SLC8A2: variants seen among roughly 807,000 people sequenced by gnomAD.
SLC8A2 encodes the protein sodium/calcium exchanger 2.
In SLC8A2, 14 loss-of-function variants were observed where a neutral mutation model predicts 70.2. The observed-to-expected ratio is 0.20, with a 90% CI of 0.13 to 0.31. SLC8A2 has a LOEUF of 0.31. Ranked by LOEUF, SLC8A2 falls within the 10% of genes least tolerant of loss-of-function variation. The pLI, the probability that SLC8A2 is intolerant of heterozygous loss-of-function variation, is 1.00. For synonymous variants in SLC8A2, 575 were observed against 594.3 expected, an observed-to-expected ratio of 0.97 and a Z score of 0.47; for missense variants, 779 against 1,320.1, an observed-to-expected ratio of 0.59 and a Z score of 6.35.
At chr19:47,433,213 G>A (rs940472326) in intron 8 of SLC8A2, among the ~76,000 whole-genome samples, 1 of 152,062 alleles carries the variant, frequency 6.6e-6, no homozygotes, top group Admixed American at 6.6e-5. Context: ...CCAGTCCACA[G>A]CTAGAAGTAT....
rs919972488 is a variant in SLC8A2, at chr19:47,437,932, G to A, written c.1927C>T (p.Arg643Trp). ...GGCTTGCCCATCTCTGCTATCCTCC[G>A]AGCCTCCTCCTCCTCGGCTGTTAGC... The part of the protein sequence containing the change: ...RKLTAEEEEA[R>W]RIAEMGKPVL... The change falls in exon 7 of 10, where the codon CGG becomes TGG. Residue 643 changes from arginine (R) to tryptophan (W), a missense_variant. Arg to Trp is a moderately radical substitution (Grantham distance 101). Around this residue, in one of 6 missense-constraint regions of SLC8A2, gnomAD observed 247 missense variants for 362.8 expected, o/e 0.68. Transcript: ENST00000236877. The A allele has an allele frequency of 8.1e-6, 13 of 1,613,854 alleles. No individual in the cohort carries two copies. Among genetic ancestry groups the A allele is most frequent in the South Asian group, 1.1e-5 (1 of 91,070 alleles).
chr19:47,458,093 C>T (rs1967337521), intron 2 of SLC8A2, among the ~76,000 whole-genome samples: 1 of 152,072 alleles, frequency 6.6e-6, no homozygotes, highest in Admixed American at 6.6e-5. Context: ...ACCTTGTGAT[C>T]CTCCCACCTC....
At position 47,432,318 on chromosome 19, in the gene SLC8A2, G is replaced by A. The variant is rs775623673; in HGVS notation, c.2238C>T (p.Cys746=). 3 of 1,613,770 alleles carry A rather than the reference G, an allele frequency of 1.9e-6. No homozygotes were observed. In the East Asian group the frequency reaches 6.7e-5, roughly 36 times the overall value. Reference sequence around the variant, plus strand: ...AGACACCAAAGCAGGCCCAGCCGTGGCAGTACTCGGTGGGGGGCACACAGG... The same window carrying A: ...AGACACCAAAGCAGGCCCAGCCGTGACAGTACTCGGTGGGGGGCACACAGG... The part of the protein sequence containing the change: ...LFACVPPTEY[C]HGWACFGVSI... Residue 746 remains cysteine, a synonymous_variant, in exon 9 of 10, where the codon TGC becomes TGT. Transcript: ENST00000236877. This position sits in a 1 kb window ranked among gnomAD's most constrained non-coding sequence, Gnocchi z 6.2.
intron 8 of SLC8A2, among the ~76,000 whole-genome samples, chr19:47,434,129 C>T (rs1011013585): frequency 6.6e-6 from 1 of 152,246 alleles, no homozygotes; most frequent in African/African-American, 2.4e-5. Flanking sequence ...GAACGCATCC[C>T]TAACTGATGT....
chr19:47,439,495 T>C (rs1967072153), intron 6 of SLC8A2, among the ~76,000 whole-genome samples: 1 of 151,858 alleles, frequency 6.6e-6, no homozygotes, highest in South Asian at 2.1e-4. Flanking sequence ...ATCGCACCAT[T>C]GCACTCTAGC....
At chr19:47,471,373 A>G (rs2122659963) in intron 1 of SLC8A2, among the ~76,000 whole-genome samples, 1 of 152,128 alleles carries the variant, frequency 6.6e-6, no homozygotes, top group African/African-American at 2.4e-5. Flanking sequence ...GGGAGACAGG[A>G]GTGAGAGACT....
intron 8 of SLC8A2, among the ~76,000 whole-genome samples, chr19:47,433,092 C>T (rs576715455): frequency 6.6e-6 from 1 of 152,282 alleles, no homozygotes; most frequent in East Asian, 1.9e-4. Context: ...GAGGAAGCCA[C>T]ATCTGCCCAG....
intron 3 of SLC8A2, among the ~76,000 whole-genome samples, chr19:47,450,156 C>A (rs1320601932): frequency 6.6e-6 from 1 of 152,112 alleles, no homozygotes; most frequent in Non-Finnish European, 1.5e-5. Context: ...TCCTACTGTG[C>A]ATGTAAGGGG....
chr19:47,429,831 C>T lies in SLC8A2; in HGVS notation c.*258G>A, dbSNP rs942626310. 41 of 567,350 alleles carry T rather than the reference C, an allele frequency of 7.2e-5. No homozygotes were observed. Among genetic ancestry groups the T allele is most frequent in the South Asian group, 4.1e-4 (19 of 46,344 alleles). The allele number at this position is 567,350 out of a possible 1,614,324, so 35.1% of individuals were successfully genotyped here. ...GTGGAAATTTCCCCAGGGATATAGA[C>T]GGTCACCAACAGGATGGGCTGGAGT... is the stretch of plus-strand genomic sequence containing the variant. On this transcript the variant is annotated 3_prime_UTR_variant, in exon 10 of 10. Transcript: ENST00000236877.
In SLC8A2 at chr19:47,432,449, T is replaced by C. The variant is rs759500943; in HGVS notation, c.2111-4A>G. 6.3e-7 allele frequency: 1 copy of C among 1,585,314 alleles called. No homozygotes were observed. Among genetic ancestry groups the C allele is most frequent in the Non-Finnish European group, 8.6e-7 (1 of 1,165,738 alleles). ...TCCTCCTCCTCCTCCTCGTCCCCTGTGGGCACACGACCCAGCTGGGGCATA... is the reference window on the plus strand; with the variant it reads ...TCCTCCTCCTCCTCCTCGTCCCCTGCGGGCACACGACCCAGCTGGGGCATA... On this transcript the variant is annotated splice_polypyrimidine_tract_variant and splice_region_variant and intron_variant, in intron 8 of 9. Coordinates refer to ENST00000236877, the MANE Select transcript of SLC8A2 (RefSeq NM_015063.3). The surrounding 1 kb of genome is among the most constrained non-coding windows in gnomAD (Gnocchi z 6.2).
intron 3 of SLC8A2, among the ~76,000 whole-genome samples, chr19:47,452,369 C>A (rs1967245480): frequency 7.1e-6 from 1 of 141,022 alleles, no homozygotes; most frequent in African/African-American, 2.7e-5. Context: ...CACATGTTAC[C>A]ATGCCCAGCT....
rs756003833 is a variant in SLC8A2, at chr19:47,448,181, ATGCGCAGCTCCTTC to A, written c.1377_1390del (p.Gln459HisfsTer134). On this transcript the variant is annotated frameshift_variant, in exon 4 of 10. Coordinates refer to ENST00000236877, the MANE Select transcript of SLC8A2 (RefSeq NM_015063.3). LOFTEE classifies it high-confidence loss of function. This position sits in a 1 kb window ranked among gnomAD's most constrained non-coding sequence, Gnocchi z 4.8. Reference sequence around the variant, plus strand: ...GAAGATGTCGTCGTCGATGATGCCGATGCGCAGCTCCTTCTGCGTCTCGCCTGGTTTGAACACCA... The same window carrying A: ...GAAGATGTCGTCGTCGATGATGCCGATGCGTCTCGCCTGGTTTGAACACCA... The A allele has an allele frequency of 6.2e-7, 1 of 1,611,776 alleles. No individual in the cohort carries two copies. The highest frequency in any genetic ancestry group is 8.5e-7 in the Non-Finnish European group (1 of 1,179,064).
In SLC8A2 at chr19:47,432,520, C is replaced by T; in HGVS notation, c.2111-75G>A. The T allele has an allele frequency of 7.0e-7, 1 of 1,426,168 alleles. No individual in the cohort carries two copies. Among genetic ancestry groups the T allele is most frequent in the East Asian group, 2.3e-5 (1 of 42,806 alleles). 88.3% of individuals were successfully genotyped at this position (1,426,168 alleles called of 1,614,324 possible). ...CCTACAGAGGCCCCATTTTGTCTAA[C>T]TTCCTGACAGCAAGTCCCATTGAAT... On this transcript the variant is annotated intron_variant, in intron 8 of 9. Transcript: ENST00000236877. This position sits in a 1 kb window ranked among gnomAD's most constrained non-coding sequence, Gnocchi z 6.2.
chr19:47,456,573 C>T (rs1967305599), intron 3 of SLC8A2, among the ~76,000 whole-genome samples: 1 of 152,074 alleles, frequency 6.6e-6, no homozygotes, highest in Admixed American at 6.6e-5. Context: ...GGCTGAGGCA[C>T]GAGAATCGCT....
In SLC8A2 at chr19:47,465,703, G is replaced by A. The variant is rs571714381; in HGVS notation, c.675+26C>T. 1.7e-5 allele frequency: 27 copies of A among 1,573,360 alleles called. No individual in the cohort carries two copies. Among genetic ancestry groups the A allele is most frequent in the Non-Finnish European group, 2.1e-5 (24 of 1,154,878 alleles). On this transcript the variant is annotated intron_variant, in intron 2 of 9. Coordinates refer to ENST00000236877, the MANE Select transcript of SLC8A2 (RefSeq NM_015063.3). The surrounding 1 kb of genome is among the most constrained non-coding windows in gnomAD (Gnocchi z 5.5). ...GATTTTGCAGACACACATGCACCAAGAAAGCATCTATGCGTCTTTGCTCAC... is the reference window on the plus strand; with the variant it reads ...GATTTTGCAGACACACATGCACCAAAAAAGCATCTATGCGTCTTTGCTCAC...
At chr19:47,452,456 G>GTA (rs1967255842) in intron 3 of SLC8A2, among the ~76,000 whole-genome samples, 3 of 132,930 alleles carry the variant, frequency 2.3e-5, no homozygotes, top group Admixed American at 2.2e-4. Flanking sequence ...GTGTGTGTGT[G>GTA]TGTGTGTGTG....
intron 8 of SLC8A2, among the ~76,000 whole-genome samples, chr19:47,436,156 C>T (rs1037964200): frequency 7.2e-5 from 11 of 152,156 alleles, no homozygotes; most frequent in African/African-American, 2.7e-4. Flanking sequence ...CCTGTCTTCT[C>T]CCTCCTCCTG....
At position 47,459,712 on chromosome 19, in the gene SLC8A2, C is replaced by T. The variant is rs138419959; in HGVS notation, c.676-2118G>A. Among the ~76,000 whole-genome samples the T allele has an allele frequency of 3.2e-3, 470 of 147,738 alleles. 5 individuals carry two copies. The highest frequency in any genetic ancestry group is 0.011 in the African/African-American group (421 of 39,796). The stretch of plus-strand genomic sequence containing the variant: ...ATGGGTGTGTCCTTCTGTGTGTGCG[C>T]GCATGTGTGTACGTCTGTGTGTGTA... On this transcript the variant is annotated intron_variant, in intron 2 of 9. Transcript: ENST00000236877.
At chr19:47,463,266 G>A (rs1599859540) in intron 2 of SLC8A2, among the ~76,000 whole-genome samples, 1 of 143,572 alleles carries the variant, frequency 7.0e-6, no homozygotes, top group African/African-American at 2.6e-5. Flanking sequence ...CCGAGTAGCT[G>A]GGACTACAGG....
Sources: gnomAD v4.1 joint callset for allele counts (sites outside exome capture counted in the v4.1 genomes callset) on GRCh38, gnomAD v4.1.1 for gene constraint, gnomAD v4.1.1 regional missense constraint, Gnocchi (gnomAD v3.1) non-coding constraint, MANE v1.5 for transcripts, NCBI Gene and HGNC (gene_info 2026-07-23, HGNC 2026-07-21) for gene names.